Variants in LMF1 observed in about 807,000 individuals in gnomAD.
LMF1 encodes the protein transmembrane protein 112.
LMF1 carries 68 observed loss-of-function variants against 60.6 expected under a neutral mutation model. The ratio of observed to expected loss-of-function variants is 1.12; its 90% CI spans 0.92 to 1.37. The LOEUF is 1.37. Among genes scored for constraint, LMF1 ranks in the 40% most tolerant of loss-of-function variants. The pLI is 0.00. For synonymous variants in LMF1, 418 were observed against 324.7 expected (o/e 1.29, Z -3.09); for missense variants, 948 against 767.2 (o/e 1.24, Z -2.78).
intron 3 of LMF1, among the ~76,000 whole-genome samples, chr16:930,939 T>C (rs932144480): frequency 6.6e-6 from 1 of 152,068 alleles, no homozygotes; most frequent in Non-Finnish European, 1.5e-5. Flanking sequence ...TGGCCAACAC[T>C]GTGAAATCCC....
At chr16:881,247 G>A (rs930491977) in intron 5 of LMF1, among the ~76,000 whole-genome samples, 2 of 152,158 alleles carry the variant, frequency 1.3e-5, no homozygotes, top group African/African-American at 2.4e-5. Flanking sequence ...AGAGCCGTGG[G>A]CTGGGGAGGG....
chr16:856,090 A>G (rs1460188072), intron 10 of LMF1: 2 of 394,650 alleles, frequency 5.1e-6, no homozygotes, highest in Non-Finnish European at 1.0e-5. Flanking sequence ...CTCCAAGAGG[A>G]GTGGGGTCGG....
At chr16:858,881 G>A (rs1323737924) in intron 10 of LMF1, among the ~76,000 whole-genome samples, 2 of 98,102 alleles carry the variant, frequency 2.0e-5, no homozygotes, top group Admixed American at 8.9e-5. Flanking sequence ...TGGTGTCTCG[G>A]GACGGGTGTG....
At position 922,542 on chromosome 16, in the gene LMF1, ATGTGGTGTTGGTGT is replaced by A. The variant is rs1194506144; in HGVS notation, c.515-11477_515-11464del. On this transcript the variant is annotated intron_variant, in intron 3 of 10. Transcript: ENST00000262301. ...AAAGTCGCCTCGGTTTTTGGGTGTG[ATGTGGTGTTGGTGT>A]CGTGTTGTTGCGAAGGCCCTGTCTG... Among the ~76,000 whole-genome samples, 292 of 151,598 alleles carry A rather than the reference ATGTGGTGTTGGTGT, an allele frequency of 1.9e-3. 7 individuals carry two copies. Among genetic ancestry groups the A allele is most frequent in the South Asian group, 2.7e-3 (13 of 4,798 alleles).
upstream of LMF1, among the ~76,000 whole-genome samples, chr16:974,703 G>A (rs1425715010): frequency 6.6e-6 from 1 of 152,206 alleles, no homozygotes; most frequent in African/African-American, 2.4e-5. Flanking sequence ...GCTCCCAGCA[G>A]CTGCGGGCCG....
intron 1 of LMF1, among the ~76,000 whole-genome samples, chr16:967,896 G>A (rs1441761770): frequency 3.9e-5 from 6 of 152,228 alleles, no homozygotes; most frequent in Non-Finnish European, 8.8e-5. Flanking sequence ...GCACCGGGCA[G>A]GGTGCTACTT....
rs572152483 is a variant in LMF1, at chr16:897,389, C to T, written c.664-4317G>A. Among the ~76,000 whole-genome samples the T allele has an allele frequency of 8.5e-5, 13 of 152,324 alleles. No homozygotes were observed. The highest frequency in any genetic ancestry group is 4.6e-4 in the Admixed American group (7 of 15,296). On this transcript the variant is annotated intron_variant, in intron 4 of 10. Transcript: ENST00000262301. The surrounding 1 kb of genome is among the most constrained non-coding windows in gnomAD (Gnocchi z 4.3). The stretch of plus-strand genomic sequence containing the variant: ...TACAGTCCCCGAAAGCACCGGCTAA[C>T]GTGGTGTTTGAGGAGGGGGCGCCGC...
rs540266558 is a variant in LMF1, at chr16:861,598, G to A, written c.1530-6892C>T. ...CTTGAACTCCCGACCTCAGGTGACTGGCCTGCCTTGGCCTCCCACAGTGCT... is the reference window on the plus strand; with the variant it reads ...CTTGAACTCCCGACCTCAGGTGACTAGCCTGCCTTGGCCTCCCACAGTGCT... On this transcript the variant is annotated intron_variant, in intron 10 of 10. Coordinates refer to ENST00000262301, the MANE Select transcript of LMF1 (RefSeq NM_022773.4). 3.3e-5 allele frequency among the ~76,000 whole-genome samples: 5 copies of A among 152,062 alleles called. No individual in the cohort carries two copies. The South Asian group carries it at 6.2e-4, about 19-fold the overall frequency.
intron 1 of LMF1, among the ~76,000 whole-genome samples, chr16:958,794 G>A (rs1345255467): frequency 6.6e-6 from 1 of 152,188 alleles, no homozygotes; most frequent in Non-Finnish European, 1.5e-5. Context: ...GGCTGAGGCA[G>A]GAGAATTGCT....
chr16:887,621 AG>A (rs1216140245), intron 5 of LMF1, among the ~76,000 whole-genome samples: 2 of 152,028 alleles, frequency 1.3e-5, no homozygotes, highest in Non-Finnish European at 2.9e-5. Context: ...GAACTCTGGG[AG>A]CCCAGCCCAG....
chr16:867,503 C>G (rs1422386528), intron 10 of LMF1, among the ~76,000 whole-genome samples: 1 of 152,148 alleles, frequency 6.6e-6, no homozygotes, highest in Non-Finnish European at 1.5e-5. Flanking sequence ...ACAGAGAAGA[C>G]CCGTATTGAG....
At chr16:893,368 A>T (rs1438163431) in intron 4 of LMF1, 1 of 527,178 alleles carries the variant, frequency 1.9e-6, no homozygotes, top group Admixed American at 2.2e-5. Flanking sequence ...TCATCACGCT[A>T]CAGAAGTTGC....
intron 2 of LMF1, among the ~76,000 whole-genome samples, chr16:944,027 A>G (rs1342947974): frequency 6.6e-6 from 1 of 152,202 alleles, no homozygotes; most frequent in Non-Finnish European, 1.5e-5. Flanking sequence ...CTGGAGGATG[A>G]ACTTGGTCTT....
chr16:930,928 C>T (rs1162413247), intron 3 of LMF1, among the ~76,000 whole-genome samples: 1 of 152,166 alleles, frequency 6.6e-6, no homozygotes, highest in Admixed American at 6.5e-5. Context: ...GGAGACCAGG[C>T]TGGCCAACAC....
chr16:926,077 G>A (rs1023052499), intron 3 of LMF1, among the ~76,000 whole-genome samples: 1 of 151,428 alleles, frequency 6.6e-6, no homozygotes, highest in African/African-American at 2.4e-5. Context: ...ATCTGCATAG[G>A]TGGGTCTGTA....
chr16:858,767 A>G (rs2069305057), intron 10 of LMF1, among the ~76,000 whole-genome samples: 1 of 72,796 alleles, frequency 1.4e-5, no homozygotes, highest in Non-Finnish European at 2.4e-5. Flanking sequence ...GTGTCACGGG[A>G]CGGGTGTGCA....
chr16:947,691 C>A, intron 2 of LMF1: 1 of 415,590 alleles, frequency 2.4e-6, no homozygotes, highest in Non-Finnish European at 4.8e-6. Flanking sequence ...GCGGTGCTGC[C>A]GTGCTGAAGA....
At chr16:974,586 C>G (rs552851849), upstream of LMF1, among the ~76,000 whole-genome samples, 1 of 152,334 alleles carries the variant, frequency 6.6e-6, no homozygotes, top group South Asian at 2.1e-4. Context: ...GGGCTGCCTC[C>G]CCGGAGACCG....
chr16:955,057 T>C (rs59929354), intron 1 of LMF1, among the ~76,000 whole-genome samples: 20,725 of 81,318 alleles, frequency 0.25, 1,007 homozygotes, highest in African/African-American at 0.44. Flanking sequence ...CTAAGTAAAC[T>C]AGACACGTTA....
Sources: allele counts gnomAD v4.1 joint callset (sites outside exome capture counted in the v4.1 genomes callset), GRCh38; gene constraint gnomAD v4.1.1; non-coding constraint Gnocchi (gnomAD v3.1); transcripts MANE v1.5; gene names NCBI Gene and HGNC (gene_info 2026-07-23, HGNC 2026-07-21).